Variants in TCTN3 observed in about 807,000 individuals in gnomAD.
TCTN3 encodes the protein tectonic-3.
Under a neutral mutation model 71.3 loss-of-function variants are expected in TCTN3, and 57 were observed. That is an observed-to-expected ratio of 0.80 (90% CI 0.65 to 1.00). The LOEUF is 1.00. Ranked by LOEUF, TCTN3 falls within the 50% of genes least tolerant of loss-of-function variation. The pLI, the probability that TCTN3 is intolerant of heterozygous loss-of-function variation, is 0.00. For synonymous variants in TCTN3, 258 were observed against 267.8 expected, an observed-to-expected ratio of 0.96 and a Z score of 0.36; for missense variants, 696 against 719.9, an observed-to-expected ratio of 0.97 and a Z score of 0.38.
intron 6 of TCTN3, among the ~76,000 whole-genome samples, chr10:95,686,731 C>T (rs1281551107): frequency 6.6e-6 from 1 of 152,188 alleles, no homozygotes; most frequent in Non-Finnish European, 1.5e-5. Flanking sequence ...GGGTGACAGA[C>T]TGTGATGCCT....
chr10:95,674,805 AG>A (rs2097935254), intron 13 of TCTN3, among the ~76,000 whole-genome samples: 2 of 150,224 alleles, frequency 1.3e-5, no homozygotes, highest in Admixed American at 1.3e-4. Context: ...AGAGTGACAG[AG>A]CGAGACCCCA....
chr10:95,676,882 A>G (rs1221592931), intron 13 of TCTN3, among the ~76,000 whole-genome samples: 1 of 152,196 alleles, frequency 6.6e-6, no homozygotes, highest in Non-Finnish European at 1.5e-5. Flanking sequence ...CTTAATCTGT[A>G]CAACCCAATG....
At chr10:95,684,410 C>G in intron 9 of TCTN3, 89 bp downstream of exon 9, 1 of 1,517,424 alleles carries the variant, frequency 6.6e-7, no homozygotes, top group Non-Finnish European at 8.9e-7. Context: ...TATTCTTATT[C>G]TATTTCACAT....
intron 13 of TCTN3, among the ~76,000 whole-genome samples, chr10:95,675,617 T>C (rs1424510284): frequency 6.6e-6 from 1 of 152,180 alleles, no homozygotes; most frequent in East Asian, 1.9e-4. Context: ...GAAAGAAAGA[T>C]TTCAGTGACA....
Position 95,664,041 on chromosome 10 carries a change from A to G in TCTN3, c.*26T>C. 6.2e-7 allele frequency: 1 copy of G among 1,606,652 alleles called. No individual in the cohort carries two copies. Among genetic ancestry groups the G allele is most frequent in the South Asian group, 1.1e-5 (1 of 90,798 alleles). On this transcript the variant is annotated 3_prime_UTR_variant, in exon 14 of 14. Transcript: ENST00000371217. ...TGCCTCAGAGTTTCTCATAGGGAAA[A>G]CTGAAATCTGATTATTTTCTTTTCT...
chr10:95,665,283 T>G (rs762799502), intron 13 of TCTN3, among the ~76,000 whole-genome samples: 32 of 152,118 alleles, frequency 2.1e-4, no homozygotes, highest in Non-Finnish European at 3.5e-4. Context: ...TAAATTTTTT[T>G]TTTGTGTGTG....
At position 95,682,421 on chromosome 10, in the gene TCTN3, G is replaced by C. The variant is rs576640223; in HGVS notation, c.1452+230C>G. Among the ~76,000 whole-genome samples, 7 of 152,078 alleles carry C rather than the reference G, an allele frequency of 4.6e-5. No individual in the cohort carries two copies. The South Asian group carries it at 1.2e-3, about 27-fold the overall frequency. ...AGGCAGGAGAATCCCTTGAACCCGG[G>C]GGGTGGAGGTTGCAGTGAACCGAGA... On this transcript the variant is annotated intron_variant, in intron 12 of 13. Transcript: ENST00000371217.
At position 95,685,662 on chromosome 10, in the gene TCTN3, C is replaced by G. The variant is rs1428873418; in HGVS notation, c.889-26G>C. 4 of 1,525,090 alleles carry G rather than the reference C, an allele frequency of 2.6e-6. 1 individual carries two copies. Among genetic ancestry groups the G allele is most frequent in the Non-Finnish European group, 3.6e-6 (4 of 1,123,244 alleles). 94.5% of individuals were successfully genotyped at this position (1,525,090 alleles called of 1,614,324 possible). Reference sequence around the variant, plus strand: ...CTAGCAACGAAAAGAAGCAAATTAACTAAAACTGAAGGCGGTATTTTGTCT... The same window carrying G: ...CTAGCAACGAAAAGAAGCAAATTAAGTAAAACTGAAGGCGGTATTTTGTCT... On this transcript the variant is annotated intron_variant, in intron 7 of 13. Transcript: ENST00000371217.
Position 95,693,864 on chromosome 10 carries a change from G to A in TCTN3, c.36C>T (p.Phe12=). The A allele has an allele frequency of 1.3e-6, 2 of 1,551,714 alleles. No homozygotes were observed. The highest frequency in any genetic ancestry group is 1.7e-6 in the Non-Finnish European group (2 of 1,147,002). The change falls in exon 1 of 14, where the codon TTC becomes TTT. Residue 12 remains phenylalanine, a synonymous_variant. Transcript: ENST00000371217. ...RTPQLALLQV[F]FLVFPDGVRP... is the part of the protein sequence containing the mutation. ...GGACGCCATCGGGGAACACCAGAAA[G>A]AACACTTGCAGGAGCGCGAGCTGTG...
At chr10:95,681,512 C>A (rs2097942984) in intron 12 of TCTN3, among the ~76,000 whole-genome samples, 2 of 152,088 alleles carry the variant, frequency 1.3e-5, no homozygotes, top group Admixed American at 1.3e-4. Flanking sequence ...GAAGATGATA[C>A]GTAAGGGTTA....
intron 13 of TCTN3, 52 bp downstream of exon 13, chr10:95,680,420 A>C: frequency 6.5e-7 from 1 of 1,539,138 alleles, no homozygotes; most frequent in Non-Finnish European, 8.7e-7. Context: ...ATGACTGATA[A>C]GACAATCTAG....
At chr10:95,667,817 G>A (rs1022719878) in intron 13 of TCTN3, among the ~76,000 whole-genome samples, 1 of 152,194 alleles carries the variant, frequency 6.6e-6, no homozygotes, top group Non-Finnish European at 1.5e-5. Context: ...GATACTAACT[G>A]CTCCACAGTG....
intron 3 of TCTN3, among the ~76,000 whole-genome samples, chr10:95,687,997 T>G (rs2139751640): frequency 6.6e-6 from 1 of 152,332 alleles, no homozygotes; most frequent in Non-Finnish European, 1.5e-5. Context: ...AATTATTGTT[T>G]TAATATGCAG....
chr10:95,693,826 G>A lies in TCTN3; in HGVS notation c.74C>T (p.Ser25Phe). Residue 25 changes from serine (S) to phenylalanine (F), a missense_variant, in exon 1 of 14, where the codon TCT (serine) becomes TTT (phenylalanine). Transcript: ENST00000371217. ...VFPDGVRPQP[S>F]SSPSGAVPTS... is the part of the protein sequence containing the mutation. The stretch of plus-strand genomic sequence containing the variant: ...GGGCACTGCCCCTGATGGGGAGGAA[G>A]AGGGCTGAGGCCGGACGCCATCGGG... The A allele has an allele frequency of 1.9e-6, 3 of 1,551,748 alleles. No individual in the cohort carries two copies. The highest frequency in any genetic ancestry group is 2.6e-6 in the Non-Finnish European group (3 of 1,147,000).
intron 10 of TCTN3, 78 bp from the exon 11 acceptor site, chr10:95,683,273 T>A (rs755817637): frequency 8.4e-6 from 13 of 1,543,780 alleles, no homozygotes; most frequent in Non-Finnish European, 1.1e-5. Context: ...TATGTTCTCA[T>A]TCTCCTTTAA....
At position 95,680,616 on chromosome 10, in the gene TCTN3, A is replaced by C. The variant is rs1349915046; in HGVS notation, c.1453-7T>G. ...AGGAAGTACAGTTTATAGCCTGCAG[A>C]AGGGTAAAGAAGCATCTGCTTGAAT... On this transcript the variant is annotated splice_polypyrimidine_tract_variant and splice_region_variant and intron_variant, in intron 12 of 13. Transcript: ENST00000371217. 1 of 1,611,646 alleles carries C rather than the reference A, an allele frequency of 6.2e-7. No individual in the cohort carries two copies. The highest frequency in any genetic ancestry group is 1.3e-5 in the African/African-American group (1 of 74,780).
At chr10:95,668,132 A>C (rs552976176) in intron 13 of TCTN3, among the ~76,000 whole-genome samples, 20 of 152,228 alleles carry the variant, frequency 1.3e-4, no homozygotes, top group Admixed American at 7.2e-4. Context: ...ATTCAGTAAA[A>C]AAGTTAAAAG....
At position 95,693,628 on chromosome 10, in the gene TCTN3, C is replaced by A. The variant is rs935958553; in HGVS notation, c.256+16G>T. On this transcript the variant is annotated intron_variant, in intron 1 of 13. Coordinates refer to ENST00000371217, the MANE Select transcript of TCTN3 (RefSeq NM_015631.6). ...TCTCAGAAGTAAGTTTCCACCCCCA[C>A]AACGTTTTCCCTCACCTGGGAAGAG... 6.5e-7 allele frequency: 1 copy of A among 1,548,882 alleles called. No homozygotes were observed. The highest frequency in any genetic ancestry group is 2.0e-5 in the Admixed American group (1 of 49,808).
chr10:95,690,890 T>C (rs1213447691), intron 3 of TCTN3, among the ~76,000 whole-genome samples: 5 of 152,226 alleles, frequency 3.3e-5, no homozygotes, highest in African/African-American at 1.2e-4. Context: ...AGGGAAATTT[T>C]TGCCTTTTTC....
Sources: allele counts gnomAD v4.1 joint callset (sites outside exome capture counted in the v4.1 genomes callset), GRCh38; gene constraint gnomAD v4.1.1; transcripts MANE v1.5; gene names NCBI Gene and HGNC (gene_info 2026-07-23, HGNC 2026-07-21).